Variants in ZNF277 observed in about 807,000 individuals in gnomAD.
ZNF277 encodes nuclear receptor-interacting factor 4.
ZNF277 carries 55 observed loss-of-function variants against 60.7 expected under a neutral mutation model. That is an observed-to-expected ratio of 0.91 (90% CI 0.73 to 1.13). ZNF277 has a LOEUF of 1.13. ZNF277 is among the 50% of genes most tolerant of loss of function. The pLI is 0.00. For missense variants in ZNF277, 510 were observed against 523.0 expected (o/e 0.98, Z 0.24); for synonymous variants, 178 against 179.3 (o/e 0.99, Z 0.06).
intron 8 of ZNF277, among the ~76,000 whole-genome samples, chr7:112,337,517 G>C (rs547078095): frequency 1.3e-5 from 2 of 152,262 alleles, no homozygotes; most frequent in South Asian, 4.1e-4. Flanking sequence ...AACAGCACCT[G>C]TTCACTATGT....
intron 2 of ZNF277, 42 bp downstream of exon 2, chr7:112,287,116 T>C (rs1392378741): frequency 5.0e-6 from 8 of 1,600,014 alleles, no homozygotes; most frequent in Non-Finnish European, 8.6e-7. Context: ...AATTTGACCA[T>C]GTGTGGTGGC....
intron 1 of ZNF277, among the ~76,000 whole-genome samples, chr7:112,215,945 G>A (rs1022942191): frequency 6.6e-6 from 1 of 152,088 alleles, no homozygotes; most frequent in Non-Finnish European, 1.5e-5. Context: ...TCCTGTACCC[G>A]CTAATCGTAA....
intron 7 of ZNF277, 54 bp from the exon 8 acceptor site, chr7:112,336,050 T>A (rs1417165801): frequency 6.8e-6 from 10 of 1,465,578 alleles, no homozygotes; most frequent in Non-Finnish European, 9.4e-6. Flanking sequence ...TTCTACATAC[T>A]CTCTCCCTTC....
At chr7:112,282,910 C>T (rs1199115125) in intron 1 of ZNF277, among the ~76,000 whole-genome samples, 1 of 152,182 alleles carries the variant, frequency 6.6e-6, no homozygotes, top group Non-Finnish European at 1.5e-5. Flanking sequence ...GTGGAATCTC[C>T]TTCATAGGGT....
At chr7:112,288,875 A>G (rs1424617151) in intron 2 of ZNF277, 1 of 146,314 alleles carries the variant, frequency 6.8e-6, no homozygotes, top group East Asian at 2.2e-4. Flanking sequence ...CATTTGTAGG[A>G]GAACATAGGG....
At chr7:112,276,934 T>C (rs1791811106) in intron 1 of ZNF277, among the ~76,000 whole-genome samples, 1 of 152,188 alleles carries the variant, frequency 6.6e-6, no homozygotes, top group South Asian at 2.1e-4. Flanking sequence ...AGTTATTTTG[T>C]TGTTTGAAAT....
rs145130892 is a variant in ZNF277, at chr7:112,220,602, A to G, written c.91+13795A>G. Among the ~76,000 whole-genome samples the G allele has an allele frequency of 3.9e-5, 6 of 152,298 alleles. No individual in the cohort carries two copies. The East Asian group carries it at 1.2e-3, about 29-fold the overall frequency. ...CTTGTCTTGTTCCCTATTTTAGAGA[A>G]AAAACTTTTAACTTTTCACTGCTGA... On this transcript the variant is annotated intron_variant, in intron 1 of 11. Coordinates refer to ENST00000361822, the MANE Select transcript of ZNF277 (RefSeq NM_021994.3).
intron 1 of ZNF277, among the ~76,000 whole-genome samples, chr7:112,241,030 G>C (rs943166465): frequency 1.4e-4 from 21 of 151,950 alleles, no homozygotes; most frequent in Non-Finnish European, 2.4e-4. Context: ...AAAACCTTCT[G>C]TACAGTGAAG....
intron 1 of ZNF277, among the ~76,000 whole-genome samples, chr7:112,208,261 G>T (rs914991411): frequency 2.0e-5 from 3 of 152,084 alleles, no homozygotes; most frequent in Non-Finnish European, 4.4e-5. Flanking sequence ...TGTAGTCCCA[G>T]CTACTCGGGA....
At chr7:112,313,282 A>T (rs566025039) in intron 4 of ZNF277, among the ~76,000 whole-genome samples, 141 of 145,814 alleles carry the variant, frequency 9.7e-4, no homozygotes, top group African/African-American at 1.7e-3. Context: ...ATGTTTTAAA[A>T]TTTTTTTTTT....
chr7:112,232,679 G>T (rs187625655), intron 1 of ZNF277, among the ~76,000 whole-genome samples: 1 of 152,258 alleles, frequency 6.6e-6, no homozygotes, highest in Admixed American at 6.5e-5. Context: ...TGTTAGCGCA[G>T]TTGTGTATCA....
At chr7:112,331,436 T>A (rs760373721) in intron 7 of ZNF277, among the ~76,000 whole-genome samples, 12 of 152,142 alleles carry the variant, frequency 7.9e-5, no homozygotes, top group Middle Eastern at 3.2e-3. Flanking sequence ...TCAATGTAAA[T>A]GAATTAAAAC....
intron 4 of ZNF277, 101 bp from the exon 5 acceptor site, chr7:112,318,081 C>G: frequency 1.1e-6 from 1 of 914,028 alleles, no homozygotes; most frequent in Non-Finnish European, 1.7e-6. Flanking sequence ...TATATACTCC[C>G]TTTATGCTTC....
intron 1 of ZNF277, among the ~76,000 whole-genome samples, chr7:112,240,651 G>C (rs941640003): frequency 1.8e-4 from 28 of 151,956 alleles, no homozygotes; most frequent in African/African-American, 6.5e-4. Context: ...AAACAGAATA[G>C]AGAACCCATA....
chr7:112,337,846 T>G lies in ZNF277; in HGVS notation c.966+20T>G. 1.3e-6 allele frequency: 2 copies of G among 1,594,378 alleles called. No homozygotes were observed. Among genetic ancestry groups the G allele is most frequent in the Non-Finnish European group, 1.7e-6 (2 of 1,169,076 alleles). ...ATGGAGGTAAGATACCTGTATTTAT[T>G]TGAATTTTGTTTTATTCTGACAGGG... On this transcript the variant is annotated intron_variant, in intron 9 of 11. Transcript: ENST00000361822.
At chr7:112,273,625 A>G (rs1327057416) in intron 1 of ZNF277, among the ~76,000 whole-genome samples, 1 of 152,180 alleles carries the variant, frequency 6.6e-6, no homozygotes, top group South Asian at 2.1e-4. Flanking sequence ...CAAGGCTTCT[A>G]TTCAACCATC....
At chr7:112,256,421 GTTT>G (rs779126085) in intron 1 of ZNF277, among the ~76,000 whole-genome samples, 9 of 95,382 alleles carry the variant, frequency 9.4e-5, no homozygotes, top group African/African-American at 3.2e-4. Flanking sequence ...CTTCTTTGGA[GTTT>G]TTTTTTTTTT....
At chr7:112,302,949 C>CTTTTTTTT (rs34593342) in intron 4 of ZNF277, among the ~76,000 whole-genome samples, 9 of 132,874 alleles carry the variant, frequency 6.8e-5, no homozygotes, top group African/African-American at 2.0e-4. Flanking sequence ...GCAAATAGGC[C>CTTTTTTTT]TTTTTTTTTT....
intron 1 of ZNF277, among the ~76,000 whole-genome samples, chr7:112,228,727 A>G (rs1019027440): frequency 1.3e-5 from 2 of 152,092 alleles, no homozygotes; most frequent in Admixed American, 6.5e-5. Flanking sequence ...CTTTGCTTAT[A>G]TAGTTGACAG....
Sources: gnomAD v4.1 joint callset for allele counts (sites outside exome capture counted in the v4.1 genomes callset) on GRCh38, gnomAD v4.1.1 for gene constraint, MANE v1.5 for transcripts, NCBI Gene and HGNC (gene_info 2026-07-23, HGNC 2026-07-21) for gene names.